Variants in IPCEF1 observed in about 807,000 individuals in gnomAD.
The protein encoded by IPCEF1 is interactor protein for cytohesin exchange factors 1.
Under a neutral mutation model 50.9 loss-of-function variants are expected in IPCEF1, and 31 were observed. The observed-to-expected ratio is 0.61, with a 90% CI of 0.46 to 0.82. IPCEF1 has a LOEUF of 0.82. Ranked by LOEUF, IPCEF1 falls within the 40% of genes least tolerant of loss-of-function variation. The pLI, the probability that IPCEF1 is intolerant of heterozygous loss-of-function variation, is 0.00. For synonymous variants in IPCEF1, 181 were observed against 192.0 expected (o/e 0.94, Z 0.47); for missense variants, 458 against 514.0 (o/e 0.89, Z 1.05).
intron 2 of IPCEF1, among the ~76,000 whole-genome samples, chr6:154,279,131 A>T (rs12203235): frequency 1.3e-5 from 2 of 151,484 alleles, no homozygotes; most frequent in Admixed American, 6.6e-5. Flanking sequence ...TCAAAATAAA[A>T]AAAAAAAAAA....
At chr6:154,326,505 G>A (rs1392925341) in intron 1 of IPCEF1, among the ~76,000 whole-genome samples, 1 of 152,094 alleles carries the variant, frequency 6.6e-6, no homozygotes, top group African/African-American at 2.4e-5. Context: ...ATATAGCTAA[G>A]GATGGAAGAA....
intron 10 of IPCEF1, among the ~76,000 whole-genome samples, chr6:154,194,085 AC>A (rs1776383972): frequency 6.6e-6 from 1 of 152,180 alleles, no homozygotes; most frequent in Non-Finnish European, 1.5e-5. Flanking sequence ...CACTGTTAAT[AC>A]CCGCTCCTCA....
At chr6:154,247,396 C>G in intron 4 of IPCEF1, 53 bp downstream of exon 4, 1 of 1,453,384 alleles carries the variant, frequency 6.9e-7, no homozygotes. Flanking sequence ...CGGAGAAAAG[C>G]CACACTCAAC....
chr6:154,229,344 C>CG (rs1260954809), intron 5 of IPCEF1, among the ~76,000 whole-genome samples: 2 of 139,036 alleles, frequency 1.4e-5, no homozygotes, highest in African/African-American at 5.3e-5. Context: ...AAAAGTTTGC[C>CG]GGTTTTTTTT....
intron 10 of IPCEF1, among the ~76,000 whole-genome samples, chr6:154,170,681 C>T (rs1334734872): frequency 6.6e-6 from 1 of 152,140 alleles, no homozygotes; most frequent in Non-Finnish European, 1.5e-5. Context: ...TGTCAATAAG[C>T]ACATGAAAAG....
chr6:154,212,333 A>C (rs935736915), intron 9 of IPCEF1, among the ~76,000 whole-genome samples: 1 of 152,144 alleles, frequency 6.6e-6, no homozygotes, highest in African/African-American at 2.4e-5. Flanking sequence ...CCCACTCCTG[A>C]CTTCCTGCTC....
At chr6:154,299,549 G>A (rs564386118) in intron 1 of IPCEF1, among the ~76,000 whole-genome samples, 2 of 141,000 alleles carry the variant, frequency 1.4e-5, no homozygotes, top group South Asian at 4.5e-4. Context: ...TGAACGATGA[G>A]AAAACATGGA....
chr6:154,209,772 A>G (rs1294733243), intron 9 of IPCEF1, among the ~76,000 whole-genome samples: 1 of 152,138 alleles, frequency 6.6e-6, no homozygotes, highest in Non-Finnish European at 1.5e-5. Context: ...CAAAAACAAA[A>G]TCTGTCTGGG....
intron 10 of IPCEF1, among the ~76,000 whole-genome samples, chr6:154,180,416 T>TATATATATA (rs1562526757): frequency 1.8e-4 from 9 of 51,118 alleles, no homozygotes; most frequent in South Asian, 1.2e-3. Context: ...ATATATATAT[T>TATATATATA]TTTTTTTTAA....
chr6:154,178,227 A>G (rs949559649), intron 10 of IPCEF1, among the ~76,000 whole-genome samples: 2 of 152,182 alleles, frequency 1.3e-5, no homozygotes, highest in Non-Finnish European at 2.9e-5. Context: ...ACCATGGCAC[A>G]TGTATACCTA....
chr6:154,200,295 A>G (rs144585356), intron 9 of IPCEF1, among the ~76,000 whole-genome samples: 1 of 152,364 alleles, frequency 6.6e-6, no homozygotes, highest in East Asian at 1.9e-4. Flanking sequence ...GATTTGTCCT[A>G]TTCTTCAATG....
intron 2 of IPCEF1, among the ~76,000 whole-genome samples, chr6:154,286,830 G>C (rs1473526294): frequency 3.3e-5 from 5 of 152,236 alleles, no homozygotes; most frequent in Non-Finnish European, 5.9e-5. Flanking sequence ...GGGAATAAAG[G>C]CCAGGGCCGA....
At chr6:154,266,850 T>A (rs1781769835) in intron 2 of IPCEF1, among the ~76,000 whole-genome samples, 1 of 152,006 alleles carries the variant, frequency 6.6e-6, no homozygotes, top group Non-Finnish European at 1.5e-5. Context: ...AATCCTCATG[T>A]TTTCAACATT....
chr6:154,214,334 C>A, intron 7 of IPCEF1, 58 bp from the exon 8 acceptor site: 1 of 1,133,502 alleles, frequency 8.8e-7, no homozygotes. Flanking sequence ...CACCCATTCA[C>A]CTTCCCCCAG....
At chr6:154,288,803 C>T (rs1443636879) in intron 2 of IPCEF1, among the ~76,000 whole-genome samples, 1 of 150,258 alleles carries the variant, frequency 6.7e-6, no homozygotes, top group Non-Finnish European at 1.5e-5. Context: ...ATGGCTCACG[C>T]CTATAATCCT....
intron 2 of IPCEF1, among the ~76,000 whole-genome samples, chr6:154,274,644 C>A (rs1274492015): frequency 6.6e-6 from 1 of 152,192 alleles, no homozygotes; most frequent in Non-Finnish European, 1.5e-5. Flanking sequence ...CTACAGGGGT[C>A]TCTTGTCCTT....
chr6:154,218,890 A>G (rs1683757159), intron 7 of IPCEF1, among the ~76,000 whole-genome samples: 1 of 152,226 alleles, frequency 6.6e-6, no homozygotes, highest in South Asian at 2.1e-4. Context: ...TGTAAGCTGG[A>G]AAGATAACCC....
At chr6:154,184,038 C>T (rs769870845) in intron 10 of IPCEF1, among the ~76,000 whole-genome samples, 3 of 152,138 alleles carry the variant, frequency 2.0e-5, no homozygotes, top group South Asian at 2.1e-4. Flanking sequence ...GCTGCATATT[C>T]GATCCCCTGA....
Position 154,198,083 on chromosome 6 carries a change from ATGTT to A in IPCEF1, c.910+1581_910+1584del, listed in dbSNP as rs1439507875. Among the ~76,000 whole-genome samples the A allele has an allele frequency of 2.6e-5, 4 of 152,190 alleles. No homozygotes were observed. In the East Asian group the frequency reaches 7.7e-4, roughly 29 times the overall value. ...AATAGGCAATCAATATTCAATGAAA[ATGTT>A]TGTCTCAGAATGAGTAAAGACCTCC... On this transcript the variant is annotated intron_variant, in intron 10 of 11. Transcript: ENST00000367220.
Sources: allele counts gnomAD v4.1 joint callset (sites outside exome capture counted in the v4.1 genomes callset), GRCh38; gene constraint gnomAD v4.1.1; transcripts MANE v1.5; gene names NCBI Gene and HGNC (gene_info 2026-07-23, HGNC 2026-07-21).